The following CCR4 variants were observed in gnomAD, a reference collection of about 807,000 sequenced individuals.
CCR4 encodes C-C motif chemokine receptor 4.
In CCR4, 9 loss-of-function variants were observed where a neutral mutation model predicts 17.1. The observed-to-expected ratio is 0.53, with a 90% CI of 0.32 to 0.92. The LOEUF is 0.92. Among genes scored for constraint, CCR4 ranks in the 40% least tolerant of loss-of-function variants. The pLI, the probability that CCR4 is intolerant of heterozygous loss-of-function variation, is 0.04. For synonymous variants in CCR4, 217 were observed against 174.3 expected, an observed-to-expected ratio of 1.24 and a Z score of -1.93; for missense variants, 385 against 433.9, an observed-to-expected ratio of 0.89 and a Z score of 1.00.
chr3:32,953,211 T>A (rs1406627205), intron 1 of CCR4, among the ~76,000 whole-genome samples, 161 bp from the exon 2 acceptor site: 1 of 152,166 alleles, frequency 6.6e-6, no homozygotes, highest in Non-Finnish European at 1.5e-5. Context: ...CCCAAAATTA[T>A]TTCGTCTGGC....
rs1468519035 is a variant in CCR4, at chr3:32,955,007, A to G, written c.*502A>G. 6.0e-6 allele frequency: 1 copy of G among 167,624 alleles called. No homozygotes were observed. Among genetic ancestry groups the G allele is most frequent in the Non-Finnish European group, 1.5e-5 (1 of 68,532 alleles). 10.4% of individuals were successfully genotyped at this position (167,624 alleles called of 1,614,324 possible). ...ATTCCATTGAGCCAGATGTATGAAG[A>G]AACAATTAGCGAAGTGATGAAACCA... On this transcript the variant is annotated 3_prime_UTR_variant, in exon 2 of 2. Coordinates refer to ENST00000330953, the MANE Select transcript of CCR4 (RefSeq NM_005508.5).
intron 1 of CCR4, among the ~76,000 whole-genome samples, chr3:32,952,511 G>A (rs759786330): frequency 3.3e-5 from 5 of 152,124 alleles, no homozygotes; most frequent in Admixed American, 6.5e-5. Context: ...CTCCCTCCTC[G>A]GCCTCCCGAC....
At chr3:32,951,970 C>T (rs1575379984) in intron 1 of CCR4, among the ~76,000 whole-genome samples, 1 of 152,162 alleles carries the variant, frequency 6.6e-6, no homozygotes, top group East Asian at 1.9e-4. Flanking sequence ...TTGCTTCTAG[C>T]AAGACTCCCA....
rs1247796566 is a variant in CCR4 at position 32,954,679 on chromosome 3, A to T, written c.*174A>T. 1 of 659,536 alleles carries T rather than the reference A, an allele frequency of 1.5e-6. No individual in the cohort carries two copies. Among genetic ancestry groups the T allele is most frequent in the Non-Finnish European group, 2.4e-6 (1 of 412,054 alleles). 40.9% of individuals were successfully genotyped at this position (659,536 alleles called of 1,614,324 possible). ...TTTTTCTCTCCCACTAGACAAGTCC[A>T]GCCTGGCAAGGGTTCACCTGGGCTG... On this transcript the variant is annotated 3_prime_UTR_variant, in exon 2 of 2. Transcript: ENST00000330953.
In CCR4 at chr3:32,953,497, C is replaced by G. The variant is rs779696984; in HGVS notation, c.75C>G (p.Ile25Met). The G allele has an allele frequency of 6.2e-7, 1 of 1,613,946 alleles. No homozygotes were observed. The highest frequency in any genetic ancestry group is 1.1e-5 in the South Asian group (1 of 91,072). The change falls in exon 2 of 2, where the codon ATC becomes ATG. Residue 25 changes from isoleucine (I) to methionine (M), a missense_variant. Physicochemically the swap from Ile to Met is conservative, Grantham distance 10 (BLOSUM62 1). Coordinates refer to ENST00000330953, the MANE Select transcript of CCR4 (RefSeq NM_005508.5). ...IYSNYYLYESIPKPCTKEGIK... is the reference protein window; with the variant it reads ...IYSNYYLYESMPKPCTKEGIK... Reference sequence around the variant, plus strand: ...GCAATTACTATCTGTATGAAAGTATCCCCAAGCCTTGCACCAAAGAAGGCA... The same window carrying G: ...GCAATTACTATCTGTATGAAAGTATGCCCAAGCCTTGCACCAAAGAAGGCA...
intron 1 of CCR4, among the ~76,000 whole-genome samples, chr3:32,952,814 A>G (rs1697691907): frequency 6.6e-6 from 1 of 152,170 alleles, no homozygotes; most frequent in Non-Finnish European, 1.5e-5. Context: ...TTATCTGCCA[A>G]TTTAGATAGG....
rs774510646 is a variant in CCR4, at chr3:32,953,948, A to G, written c.526A>G (p.Ser176Gly). 40 of 1,613,944 alleles carry G rather than the reference A, an allele frequency of 2.5e-5. No homozygotes were observed. In the South Asian group the frequency reaches 4.3e-4, roughly 17 times the overall value. Residue 176 changes from serine to glycine, a missense_variant, in exon 2 of 2, where the codon AGC (serine) becomes GGC (glycine). By Grantham distance (56) the Ser-to-Gly change is moderately conservative. Transcript: ENST00000330953. Reference protein sequence around the residue: ...VFASLPGFLFSTCYTERNHTY... With the variant: ...VFASLPGFLFGTCYTERNHTY... Reference sequence around the variant, plus strand: ...CGCCTCCCTTCCTGGCTTTCTGTTCAGCACTTGTTATACTGAGCGCAACCA... The same window carrying G: ...CGCCTCCCTTCCTGGCTTTCTGTTCGGCACTTGTTATACTGAGCGCAACCA...
rs1695677901 is a variant in CCR4 at position 32,954,606 on chromosome 3, A to C, written c.*101A>C. 1 of 1,272,034 alleles carries C rather than the reference A, an allele frequency of 7.9e-7. No homozygotes were observed. The highest frequency in any genetic ancestry group is 3.1e-5 in the Admixed American group (1 of 32,158). 78.8% of individuals were successfully genotyped at this position (1,272,034 alleles called of 1,614,324 possible). A position where few individuals can be genotyped will look rare whatever the true frequency, so the allele number is the denominator to read the frequency against. ...AGATTCCTGAGCCAGTGTCAGGAGG[A>C]AGGCTTACACCCACAGTGGAAAGAC... On this transcript the variant is annotated 3_prime_UTR_variant, in exon 2 of 2. Coordinates refer to ENST00000330953, the MANE Select transcript of CCR4 (RefSeq NM_005508.5).
In CCR4 at chr3:32,954,365, A is replaced by C. The variant is rs758520674; in HGVS notation, c.943A>C (p.Ile315Leu). The change falls in exon 2 of 2, where the codon ATC (isoleucine) becomes CTC (leucine). Residue 315 changes from isoleucine to leucine, a missense_variant. By Grantham distance (5) the Ile-to-Leu change is conservative. Coordinates refer to ENST00000330953, the MANE Select transcript of CCR4 (RefSeq NM_005508.5). Reference protein sequence around the residue: ...FFLGEKFRKYILQLFKTCRGL... With the variant: ...FFLGEKFRKYLLQLFKTCRGL... Reference sequence around the variant, plus strand: ...TCTGGGGGAGAAATTTCGCAAGTACATCCTACAGCTCTTCAAAACCTGCAG... The same window carrying C: ...TCTGGGGGAGAAATTTCGCAAGTACCTCCTACAGCTCTTCAAAACCTGCAG... The C allele has an allele frequency of 6.2e-7, 1 of 1,613,954 alleles. No individual in the cohort carries two copies. The highest frequency in any genetic ancestry group is 8.5e-7 in the Non-Finnish European group (1 of 1,180,000).
chr3:32,954,849 G>T lies in CCR4; in HGVS notation c.*344G>T. On this transcript the variant is annotated 3_prime_UTR_variant, in exon 2 of 2. Transcript: ENST00000330953. ...CTGAACTGATGGGTTTCTCCAGAGG[G>T]AATTGCAGAGTACTGGCTGATGGAG... 4.6e-6 allele frequency: 1 copy of T among 215,422 alleles called. No homozygotes were observed. Among genetic ancestry groups the T allele is most frequent in the Non-Finnish European group, 1.0e-5 (1 of 99,052 alleles). The allele number at this position is 215,422 out of a possible 1,614,324, so 13.3% of individuals were successfully genotyped here. A position where few individuals can be genotyped will look rare whatever the true frequency, so the allele number is the denominator to read the frequency against.
rs1185997092 is a variant in CCR4, at chr3:32,953,414, A to G, written c.-9A>G. 20 of 1,589,480 alleles carry G rather than the reference A, an allele frequency of 1.3e-5. No homozygotes were observed. The highest frequency in any genetic ancestry group is 1.5e-5 in the Non-Finnish European group (17 of 1,169,218). On this transcript the variant is annotated 5_prime_UTR_variant, in exon 2 of 2. Coordinates refer to ENST00000330953, the MANE Select transcript of CCR4 (RefSeq NM_005508.5). Reference sequence around the variant, plus strand: ...CAGACCTGCCTTGAGGAGCCTGTAGAGTTAAAAAATGAACCCCACGGATAT... The same window carrying G: ...CAGACCTGCCTTGAGGAGCCTGTAGGGTTAAAAAATGAACCCCACGGATAT...
chr3:32,953,323 G>A, intron 1 of CCR4, 49 bp from the exon 2 acceptor site: 7 of 1,360,564 alleles, frequency 5.1e-6, no homozygotes, highest in Non-Finnish European at 6.9e-6. Flanking sequence ...GCAATACTTT[G>A]GTTTATTTTT....
chr3:32,952,539 G>A (rs752791204), intron 1 of CCR4, among the ~76,000 whole-genome samples: 3 of 152,350 alleles, frequency 2.0e-5, no homozygotes, highest in South Asian at 2.1e-4. Flanking sequence ...GATTATAGGC[G>A]TGGGCCACTG....
chr3:32,952,031 C>T (rs1697681408), intron 1 of CCR4, among the ~76,000 whole-genome samples: 1 of 151,944 alleles, frequency 6.6e-6, no homozygotes. Flanking sequence ...CAGACACTTA[C>T]CAGCTGTGTC....
chr3:32,953,972 C>T lies in CCR4; in HGVS notation c.550C>T (p.His184Tyr), dbSNP rs766159224. 7 of 1,614,000 alleles carry T rather than the reference C, an allele frequency of 4.3e-6. No homozygotes were observed. Among genetic ancestry groups the T allele is most frequent in the African/African-American group, 1.3e-5 (1 of 74,894 alleles). ...CAGCACTTGTTATACTGAGCGCAAC[C>T]ATACCTACTGCAAAACCAAGTACTC... ...LFSTCYTERN[H>Y]TYCKTKYSLN... Residue 184 changes from histidine (H) to tyrosine (Y), a missense_variant, in exon 2 of 2, where the codon CAT becomes TAT. Physicochemically the swap from His to Tyr is moderately conservative, Grantham distance 83 (BLOSUM62 2). Coordinates refer to ENST00000330953, the MANE Select transcript of CCR4 (RefSeq NM_005508.5).
In CCR4 at chr3:32,954,142, G is replaced by A. The variant is rs375229032; in HGVS notation, c.720G>A (p.Ala240=). The change falls in exon 2 of 2, where the codon GCG becomes GCA. Residue 240 remains alanine (A), a synonymous_variant. Transcript: ENST00000330953. ...GTAAAAATGAGAAGAAGAACAAGGCGGTGAAGATGATCTTTGCCGTGGTGG... is the reference window on the plus strand; with the variant it reads ...GTAAAAATGAGAAGAAGAACAAGGCAGTGAAGATGATCTTTGCCGTGGTGG... ...QHCKNEKKNK[A]VKMIFAVVVL... 34 of 1,614,128 alleles carry A rather than the reference G, an allele frequency of 2.1e-5. No individual in the cohort carries two copies. In the South Asian group the frequency reaches 2.5e-4, roughly 12 times the overall value.
intron 1 of CCR4, among the ~76,000 whole-genome samples, chr3:32,952,189 G>A (rs913697631): frequency 4.6e-5 from 7 of 152,072 alleles, no homozygotes; most frequent in Non-Finnish European, 7.4e-5. Context: ...CAGGTGTTCA[G>A]TATCTATTTG....
rs369540797 is a variant in CCR4 at position 32,953,397 on chromosome 3, C to A, written c.-26C>A. 1.3e-6 allele frequency: 2 copies of A among 1,568,438 alleles called. No individual in the cohort carries two copies. The highest frequency in any genetic ancestry group is 1.7e-6 in the Non-Finnish European group (2 of 1,160,450). ...CTGCTTCTGGTTGGGCCCAGACCTG[C>A]CTTGAGGAGCCTGTAGAGTTAAAAA... is the stretch of plus-strand genomic sequence containing the variant. On this transcript the variant is annotated 5_prime_UTR_variant, in exon 2 of 2. Transcript: ENST00000330953.
At position 32,954,388 on chromosome 3, in the gene CCR4, C is replaced by T; in HGVS notation, c.966C>T (p.Cys322=). The change falls in exon 2 of 2, where the codon TGC becomes TGT. Residue 322 remains cysteine, a synonymous_variant. Coordinates refer to ENST00000330953, the MANE Select transcript of CCR4 (RefSeq NM_005508.5). ...RKYILQLFKT[C]RGLFVLCQYC... is the part of the protein sequence containing the mutation. ...ACATCCTACAGCTCTTCAAAACCTG[C>T]AGGGGCCTTTTTGTGCTCTGCCAAT... The T allele has an allele frequency of 2.5e-6, 4 of 1,613,030 alleles. No individual in the cohort carries two copies. The highest frequency in any genetic ancestry group is 3.4e-6 in the Non-Finnish European group (4 of 1,179,638).
Sources: allele counts gnomAD v4.1 joint callset (sites outside exome capture counted in the v4.1 genomes callset), GRCh38; gene constraint gnomAD v4.1.1; transcripts MANE v1.5; gene names NCBI Gene and HGNC (gene_info 2026-07-23, HGNC 2026-07-21).